NAV2: variants seen among roughly 807,000 people sequenced by gnomAD.
NAV2 encodes neuron navigator 2, also known as helicase, APC down-regulated 1.
Under a neutral mutation model 223.2 loss-of-function variants are expected in NAV2, and 54 were observed. That is an observed-to-expected ratio of 0.24 (90% CI 0.19 to 0.30). The LOEUF is 0.30. NAV2 is among the 10% of genes least tolerant of loss of function. NAV2 has a pLI of 1.00. For missense variants in NAV2, 2,806 were observed against 3,147.5 expected, an observed-to-expected ratio of 0.89 and a Z score of 2.60; for synonymous variants, 1,279 against 1,239.3, an observed-to-expected ratio of 1.03 and a Z score of -0.67.
At chr11:19,908,625 T>C (rs780721376) in intron 6 of NAV2, among the ~76,000 whole-genome samples, 35 of 152,228 alleles carry the variant, frequency 2.3e-4, no homozygotes, top group Admixed American at 1.8e-3. Context: ...ATTTTTAATG[T>C]AGTAAATTTT....
At chr11:20,034,360 T>C (rs2056120433) in intron 11 of NAV2, among the ~76,000 whole-genome samples, 1 of 64,604 alleles carries the variant, frequency 1.5e-5, no homozygotes, top group Non-Finnish European at 3.7e-5. Context: ...AGTTTTTTTT[T>C]TGTTTTTTTT....
chr11:19,900,942 C>T (rs746280500), intron 6 of NAV2, among the ~76,000 whole-genome samples: 10 of 152,142 alleles, frequency 6.6e-5, no homozygotes, highest in Non-Finnish European at 1.5e-4. Context: ...GTTGATTTAT[C>T]TTTGAAGTGG....
intron 1 of NAV2, among the ~76,000 whole-genome samples, chr11:19,509,320 A>C (rs1187740422): frequency 6.6e-6 from 1 of 152,096 alleles, no homozygotes; most frequent in Non-Finnish European, 1.5e-5. Context: ...CAAGTGCACA[A>C]AATCATCTTG....
chr11:19,859,904 G>C (rs2061611644), intron 3 of NAV2, among the ~76,000 whole-genome samples: 1 of 142,384 alleles, frequency 7.0e-6, no homozygotes, highest in African/African-American at 2.6e-5. Flanking sequence ...CGGGGCGGCT[G>C]GCCGGGCAGA....
chr11:19,607,336 T>A (rs1418401412), intron 1 of NAV2, among the ~76,000 whole-genome samples: 2 of 152,230 alleles, frequency 1.3e-5, no homozygotes, highest in South Asian at 2.1e-4. Context: ...CTAGCTGCCC[T>A]GTTCTTGCTC....
chr11:20,005,433 A>T (rs1192628347), intron 11 of NAV2, among the ~76,000 whole-genome samples: 1 of 151,698 alleles, frequency 6.6e-6, no homozygotes, highest in Non-Finnish European at 1.5e-5. Context: ...TTTAGTAGAG[A>T]TAGGGTTTCA....
chr11:19,578,394 G>A (rs1304362228), intron 1 of NAV2, among the ~76,000 whole-genome samples: 5 of 152,216 alleles, frequency 3.3e-5, no homozygotes, highest in African/African-American at 9.6e-5. Context: ...CAGATGTCCT[G>A]GGCTGCTCTC....
At chr11:19,520,917 A>C (rs185228651) in intron 1 of NAV2, among the ~76,000 whole-genome samples, 37 of 152,244 alleles carry the variant, frequency 2.4e-4, no homozygotes, top group African/African-American at 8.4e-4. Context: ...AATTGTGGCA[A>C]ATGGGGATTT....
At chr11:19,701,282 G>A (rs543852280) in intron 1 of NAV2, among the ~76,000 whole-genome samples, 53 of 152,240 alleles carry the variant, frequency 3.5e-4, no homozygotes, top group Admixed American at 2.5e-3. Context: ...TCAAAGGCAA[G>A]GAAAGTGCTC....
intron 1 of NAV2, among the ~76,000 whole-genome samples, chr11:19,419,284 G>A (rs1337324271): frequency 2.0e-5 from 3 of 152,112 alleles, no homozygotes; most frequent in African/African-American, 7.2e-5. Context: ...ATCTTTAGAG[G>A]AGAGGCACTG....
intron 1 of NAV2, among the ~76,000 whole-genome samples, chr11:19,523,689 G>A (rs1480795883): frequency 3.3e-5 from 5 of 152,192 alleles, no homozygotes; most frequent in Admixed American, 2.0e-4. Context: ...TAATGCCATC[G>A]TTTGCACATT....
chr11:19,796,720 C>T (rs1193810012), intron 1 of NAV2, among the ~76,000 whole-genome samples: 1 of 152,166 alleles, frequency 6.6e-6, no homozygotes, highest in South Asian at 2.1e-4. Context: ...GACTTTTTCT[C>T]ATCCAAACCT....
chr11:19,730,477 C>A (rs1032675422), intron 1 of NAV2, among the ~76,000 whole-genome samples: 1 of 152,198 alleles, frequency 6.6e-6, no homozygotes, highest in African/African-American at 2.4e-5. Context: ...CCTGTTGGGG[C>A]CCTCGGTCTG....
chr11:19,523,688 C>T (rs568218551), intron 1 of NAV2, among the ~76,000 whole-genome samples: 6 of 152,334 alleles, frequency 3.9e-5, no homozygotes, highest in South Asian at 4.1e-4. Context: ...TTAATGCCAT[C>T]GTTTGCACAT....
At chr11:19,641,406 G>T (rs1389057562) in intron 1 of NAV2, among the ~76,000 whole-genome samples, 1 of 151,920 alleles carries the variant, frequency 6.6e-6, no homozygotes, top group Admixed American at 6.6e-5. Context: ...TTTATGCCTG[G>T]AATACTGCAG....
intron 1 of NAV2, among the ~76,000 whole-genome samples, chr11:19,772,826 C>A (rs1565289568): frequency 6.6e-6 from 1 of 152,188 alleles, no homozygotes; most frequent in South Asian, 2.1e-4. Context: ...CGTGTCTGAG[C>A]TTTTTCCCAT....
At chr11:19,699,778 A>G (rs181878540) in intron 1 of NAV2, among the ~76,000 whole-genome samples, 1 of 152,334 alleles carries the variant, frequency 6.6e-6, no homozygotes, top group East Asian at 1.9e-4. Context: ...CAGGACTGCA[A>G]TGAGAAAAGT....
At chr11:20,042,648 A>G (rs1014635062) in intron 12 of NAV2, among the ~76,000 whole-genome samples, 9 of 152,090 alleles carry the variant, frequency 5.9e-5, no homozygotes, top group Non-Finnish European at 1.2e-4. Context: ...CAGCCATTGT[A>G]TTCCATGGAG....
chr11:19,361,917 G>A (rs1167383594), intron 1 of NAV2, among the ~76,000 whole-genome samples: 4 of 152,150 alleles, frequency 2.6e-5, no homozygotes, highest in Non-Finnish European at 5.9e-5. Flanking sequence ...GCTGGGTTAA[G>A]AGGAGAATCC....
Sources: allele counts gnomAD v4.1 joint callset (sites outside exome capture counted in the v4.1 genomes callset), GRCh38; gene constraint gnomAD v4.1.1; transcripts MANE v1.5; gene names NCBI Gene and HGNC (gene_info 2026-07-23, HGNC 2026-07-21).